The following TANGO2 variants were observed in gnomAD, a reference collection of about 807,000 sequenced individuals.
The protein encoded by TANGO2 is transport and golgi organization 2 homolog.
Under a neutral mutation model 39.1 loss-of-function variants are expected in TANGO2, and 26 were observed. The observed-to-expected ratio is 0.67, with a 90% CI of 0.49 to 0.92. TANGO2 has a LOEUF of 0.92. Ranked by LOEUF, TANGO2 falls within the 40% of genes least tolerant of loss-of-function variation. The pLI, the probability that TANGO2 is intolerant of heterozygous loss-of-function variation, is 0.00. For synonymous variants in TANGO2, 131 were observed against 144.5 expected (o/e 0.91, Z 0.67); for missense variants, 326 against 360.1 (o/e 0.91, Z 0.77).
chr22:20,018,076 T>C (rs1945328349), upstream of TANGO2, among the ~76,000 whole-genome samples: 1 of 152,246 alleles, frequency 6.6e-6, no homozygotes, highest in Non-Finnish European at 1.5e-5. Flanking sequence ...CATCCAATCA[T>C]TCCTTGGCCA....
intron 1 of TANGO2, among the ~76,000 whole-genome samples, chr22:20,024,586 A>G (rs2040371752): frequency 1.3e-5 from 2 of 152,228 alleles, no homozygotes; most frequent in Admixed American, 6.5e-5. Flanking sequence ...CATTGAGGCC[A>G]TTAAATGGGG....
Position 20,038,331 on chromosome 22 carries a change from G to A in TANGO2, c.56+1477G>A, listed in dbSNP as rs368792939. Among the ~76,000 whole-genome samples the A allele has an allele frequency of 3.7e-4, 57 of 152,308 alleles. No individual in the cohort carries two copies. The East Asian group carries it at 9.1e-3, about 24-fold the overall frequency. The stretch of plus-strand genomic sequence containing the variant: ...GCCTGGTCTGTGGTGCTTAGTTACG[G>A]CAGCCCCAGGAAACTAGCACGCTGA... On this transcript the variant is annotated intron_variant, in intron 2 of 8. Transcript: ENST00000327374.
chr22:20,035,430 C>T (rs984403083), intron 1 of TANGO2, among the ~76,000 whole-genome samples: 15 of 152,230 alleles, frequency 9.9e-5, no homozygotes, highest in Admixed American at 4.6e-4. Context: ...GCCCTGGAGC[C>T]GTGTCACTAA....
At chr22:20,047,288 C>T (rs2045425416) in intron 3 of TANGO2, among the ~76,000 whole-genome samples, 1 of 147,382 alleles carries the variant, frequency 6.8e-6, no homozygotes, top group Admixed American at 6.9e-5. Flanking sequence ...GGCTGGAGTG[C>T]AATGGCACGA....
intron 7 of TANGO2, 90 bp from the exon 8 acceptor site, chr22:20,063,248 C>A: frequency 2.7e-6 from 3 of 1,096,902 alleles, no homozygotes; most frequent in South Asian, 1.4e-5. Context: ...CTCCCCAGAG[C>A]CAGTTAGGCC....
At chr22:20,061,751 C>A (rs1296710572) in intron 7 of TANGO2, 68 bp downstream of exon 7, 1 of 1,471,804 alleles carries the variant, frequency 6.8e-7, no homozygotes, top group Non-Finnish European at 9.1e-7. Context: ...AAAGGCAGGC[C>A]CTGCTGCCCC....
chr22:20,025,142 GT>G (rs1002023233), intron 1 of TANGO2, among the ~76,000 whole-genome samples: 1 of 149,568 alleles, frequency 6.7e-6, no homozygotes. Context: ...GGAGGCAGAG[GT>G]TGCAGTGACC....
chr22:20,036,829 C>A lies in TANGO2; in HGVS notation c.31C>A (p.Arg11Ser). The A allele has an allele frequency of 6.2e-7, 1 of 1,614,248 alleles. No homozygotes were observed. The highest frequency in any genetic ancestry group is 8.5e-7 in the Non-Finnish European group (1 of 1,180,052). The change falls in exon 2 of 9, where the codon CGC (arginine) becomes AGC (serine). Residue 11 changes from arginine (R) to serine (S), a missense_variant. Arg to Ser is a moderately radical substitution (Grantham distance 110). Coordinates refer to ENST00000327374, the MANE Select transcript of TANGO2 (RefSeq NM_152906.7). MCIIFFKFDPRPVSKNAYRLI... is the reference protein window; with the variant it reads MCIIFFKFDPSPVSKNAYRLI... ...CATCATCTTCTTTAAGTTTGATCCTCGCCCTGTTTCCAAAAACGCGTACAG... is the reference window on the plus strand; with the variant it reads ...CATCATCTTCTTTAAGTTTGATCCTAGCCCTGTTTCCAAAAACGCGTACAG...
At chr22:20,041,751 C>T (rs951657434) in intron 2 of TANGO2, among the ~76,000 whole-genome samples, 3 of 152,176 alleles carry the variant, frequency 2.0e-5, no homozygotes, top group African/African-American at 7.2e-5. Flanking sequence ...CAGCTGTGAG[C>T]ACCACTTTCA....
chr22:20,060,685 G>A (rs1205467327), intron 6 of TANGO2, among the ~76,000 whole-genome samples: 1 of 152,110 alleles, frequency 6.6e-6, no homozygotes, highest in Non-Finnish European at 1.5e-5. Flanking sequence ...ACCTGGGGCT[G>A]GCGGCTTGGC....
At chr22:20,036,268 C>T (rs753409829) in intron 1 of TANGO2, among the ~76,000 whole-genome samples, 2 of 152,122 alleles carry the variant, frequency 1.3e-5, no homozygotes, top group Admixed American at 1.3e-4. Context: ...GAGGGACCTG[C>T]GTACTAGGGG....
chr22:20,022,866 A>G (rs1016527024), intron 1 of TANGO2, among the ~76,000 whole-genome samples: 3 of 152,208 alleles, frequency 2.0e-5, no homozygotes, highest in Admixed American at 6.5e-5. Flanking sequence ...CATGCTTGTC[A>G]TTGACACTCC....
upstream of TANGO2, chr22:20,021,108 C>A (rs1410736456): frequency 3.3e-5 from 5 of 153,544 alleles, no homozygotes; most frequent in East Asian, 3.9e-4. Context: ...GCGCGGCACC[C>A]GGAAGTCGGC....
At chr22:20,045,020 A>G (rs1447311105) in intron 3 of TANGO2, among the ~76,000 whole-genome samples, 1 of 152,168 alleles carries the variant, frequency 6.6e-6, no homozygotes, top group Non-Finnish European at 1.5e-5. Flanking sequence ...GGGTGACCAT[A>G]TCACTAAGGC....
chr22:20,031,650 G>C (rs1263085702), intron 1 of TANGO2, among the ~76,000 whole-genome samples: 3 of 152,178 alleles, frequency 2.0e-5, no homozygotes, highest in African/African-American at 7.2e-5. Flanking sequence ...TTTCTAGTAG[G>C]ACCACATGTG....
At chr22:20,050,142 C>T (rs561987793) in intron 3 of TANGO2, among the ~76,000 whole-genome samples, 4 of 151,794 alleles carry the variant, frequency 2.6e-5, no homozygotes, top group Non-Finnish European at 5.9e-5. Context: ...ACCCGGGAGG[C>T]GGAGCTTGCA....
intron 1 of TANGO2, among the ~76,000 whole-genome samples, chr22:20,025,984 T>C (rs1601819050): frequency 1.3e-5 from 2 of 152,322 alleles, no homozygotes; most frequent in African/African-American, 4.8e-5. Flanking sequence ...GTCCAGGATG[T>C]GGCTGAGGTG....
rs557990277 is a variant in TANGO2, at chr22:20,042,053, T to G, written c.57-1302T>G. Among the ~76,000 whole-genome samples, 6 of 151,986 alleles carry G rather than the reference T, an allele frequency of 3.9e-5. No individual in the cohort carries two copies. In the East Asian group the frequency reaches 1.2e-3, roughly 29 times the overall value. ...TTGGAGTGCAATGGTGCAGTCACAG[T>G]TCACTGCAGCCTCAAACTCCTGGGC... On this transcript the variant is annotated intron_variant, in intron 2 of 8. Coordinates refer to ENST00000327374, the MANE Select transcript of TANGO2 (RefSeq NM_152906.7).
At position 20,040,611 on chromosome 22, in the gene TANGO2, G is replaced by T. The variant is rs568131717; in HGVS notation, c.57-2744G>T. On this transcript the variant is annotated intron_variant, in intron 2 of 8. Coordinates refer to ENST00000327374, the MANE Select transcript of TANGO2 (RefSeq NM_152906.7). ...GCACATCCCCACCATAGCACTCAGG[G>T]ACTGCGGTGTTCCCCCTTCTCCTGC... 2.0e-5 allele frequency among the ~76,000 whole-genome samples: 3 copies of T among 152,328 alleles called. No individual in the cohort carries two copies. In the South Asian group the frequency reaches 6.2e-4, roughly 32 times the overall value.
Sources: allele counts gnomAD v4.1 joint callset (sites outside exome capture counted in the v4.1 genomes callset), GRCh38; gene constraint gnomAD v4.1.1; transcripts MANE v1.5; gene names NCBI Gene and HGNC (gene_info 2026-07-23, HGNC 2026-07-21).